Variants in SETD3 observed in about 807,000 individuals in gnomAD.
SETD3 encodes actin-histidine N-methyltransferase.
SETD3 carries 19 observed loss-of-function variants against 63.0 expected under a neutral mutation model. The ratio of observed to expected loss-of-function variants is 0.30; its 90% CI spans 0.21 to 0.44. The LOEUF is 0.44. SETD3 is among the 20% of genes least tolerant of loss of function. The probability of loss-of-function intolerance (pLI) is 1.00; values close to 1 mark genes in which losing one functional copy is unlikely to be tolerated. For synonymous variants in SETD3, 286 were observed against 264.1 expected, an observed-to-expected ratio of 1.08 and a Z score of -0.80; for missense variants, 587 against 728.5, an observed-to-expected ratio of 0.81 and a Z score of 2.24.
chr14:99,459,542 CA>C (rs900182740), intron 4 of SETD3, among the ~76,000 whole-genome samples: 39 of 152,194 alleles, frequency 2.6e-4, no homozygotes, highest in African/African-American at 9.2e-4. Flanking sequence ...AAAACCAGAC[CA>C]AATCAAAACA....
intron 6 of SETD3, among the ~76,000 whole-genome samples, chr14:99,414,735 T>C (rs77763397): frequency 0.021 from 3,132 of 152,290 alleles, 56 homozygotes; most frequent in Non-Finnish European, 0.03. Flanking sequence ...AATTAAGAAA[T>C]TAAAAGCTGT....
chr14:99,405,811 A>G (rs1233993590), intron 9 of SETD3, among the ~76,000 whole-genome samples: 1 of 152,258 alleles, frequency 6.6e-6, no homozygotes, highest in Non-Finnish European at 1.5e-5. Flanking sequence ...AGTATCTGTC[A>G]GAAACTTATT....
In SETD3 at chr14:99,464,158, A is replaced by C. The variant is rs1199639920; in HGVS notation, c.104-580T>G. On this transcript the variant is annotated intron_variant, in intron 2 of 12. Coordinates refer to ENST00000331768, the MANE Select transcript of SETD3 (RefSeq NM_032233.3). ...GATGGCATAGTCACTGCTAAAAAAG[A>C]AGCCAAGATTCCACTGTGGGGCCAG... 2.6e-5 allele frequency among the ~76,000 whole-genome samples: 4 copies of C among 152,340 alleles called. No homozygotes were observed. The East Asian group carries it at 5.8e-4, about 22-fold the overall frequency.
intron 1 of SETD3, among the ~76,000 whole-genome samples, 182 bp downstream of exon 1, chr14:99,480,546 C>T (rs1314042771): frequency 6.6e-6 from 1 of 150,756 alleles, no homozygotes; most frequent in Non-Finnish European, 1.5e-5. Flanking sequence ...GGCCCCCGAG[C>T]GCACACCTGC....
chr14:99,435,474 G>A (rs1391001015), intron 6 of SETD3, among the ~76,000 whole-genome samples: 2 of 152,166 alleles, frequency 1.3e-5, no homozygotes, highest in Non-Finnish European at 2.9e-5. Flanking sequence ...CGGAGCTGAA[G>A]CAGTGCCTTT....
At chr14:99,413,136 C>A in intron 7 of SETD3, 71 bp from the exon 8 acceptor site, 1 of 863,316 alleles carries the variant, frequency 1.2e-6, no homozygotes, top group Non-Finnish European at 1.9e-6. Context: ...ATAACATAAC[C>A]AAAAATTTAG....
chr14:99,401,892 ACTGG>A (rs1891406688), intron 11 of SETD3, among the ~76,000 whole-genome samples: 1 of 152,202 alleles, frequency 6.6e-6, no homozygotes, highest in Non-Finnish European at 1.5e-5. Context: ...TAAAAGTGAA[ACTGG>A]ACTCATTTCA....
intron 1 of SETD3, among the ~76,000 whole-genome samples, chr14:99,478,057 A>G (rs977371329): frequency 2.8e-4 from 43 of 152,180 alleles, no homozygotes; most frequent in Non-Finnish European, 4.7e-4. Flanking sequence ...TTAGCCAGAT[A>G]AACACTTCTA....
chr14:99,399,295 T>G (rs1390967818), intron 12 of SETD3, among the ~76,000 whole-genome samples, 170 bp from the exon 13 acceptor site: 1 of 152,156 alleles, frequency 6.6e-6, no homozygotes, highest in African/African-American at 2.4e-5. Context: ...CATCAAAACG[T>G]ACGCTTCAGA....
At chr14:99,479,047 A>G (rs1283370684) in intron 1 of SETD3, among the ~76,000 whole-genome samples, 1 of 152,240 alleles carries the variant, frequency 6.6e-6, no homozygotes, top group Non-Finnish European at 1.5e-5. Flanking sequence ...GTACATACAG[A>G]CATAAGATGT....
rs150317244 is a variant in SETD3 at position 99,399,741 on chromosome 14, A to AT, written c.1338+357dup. ...GAATTAACAAGAAATCTTTCATTAA[A>AT]TTTTTTTTTTTTTTTTTTTTTTTTT... On this transcript the variant is annotated intron_variant, in intron 12 of 12. Coordinates refer to ENST00000331768, the MANE Select transcript of SETD3 (RefSeq NM_032233.3). 2.9e-3 allele frequency among the ~76,000 whole-genome samples: 365 copies of AT among 127,698 alleles called. 2 individuals are homozygous for AT. The highest frequency in any genetic ancestry group is 8.6e-3 in the South Asian group (35 of 4,072). The allele number at this position is 127,698 out of a possible 152,430, so 83.8% of individuals were successfully genotyped here.
intron 6 of SETD3, among the ~76,000 whole-genome samples, chr14:99,446,809 A>C (rs2139738430): frequency 6.6e-6 from 1 of 152,128 alleles, no homozygotes; most frequent in African/African-American, 2.4e-5. Context: ...GCCAGTCCCG[A>C]GGGCAGGATG....
chr14:99,459,590 T>C (rs10151166), intron 4 of SETD3, among the ~76,000 whole-genome samples: 148,312 of 152,342 alleles, frequency 0.97, 72,310 homozygotes, highest in East Asian at 1. Flanking sequence ...AATCTGTCGA[T>C]GTGAATTACT....
At chr14:99,471,054 G>A (rs908815137) in intron 1 of SETD3, among the ~76,000 whole-genome samples, 3 of 151,906 alleles carry the variant, frequency 2.0e-5, no homozygotes, top group Admixed American at 6.6e-5. Flanking sequence ...CACTAACAAG[G>A]TCTCCTCACC....
chr14:99,426,165 C>T (rs1049031219), intron 6 of SETD3, among the ~76,000 whole-genome samples: 2 of 152,216 alleles, frequency 1.3e-5, no homozygotes, highest in African/African-American at 2.4e-5. Flanking sequence ...GTTTAAGATT[C>T]CTTTGCCTTC....
At chr14:99,411,851 T>C (rs1287426387) in intron 8 of SETD3, 2 of 152,222 alleles carry the variant, frequency 1.3e-5, no homozygotes, top group Non-Finnish European at 2.9e-5. Flanking sequence ...AAAATGTAAT[T>C]ATAAAAATGG....
chr14:99,458,075 T>C (rs1054245431), intron 6 of SETD3, among the ~76,000 whole-genome samples: 10 of 152,226 alleles, frequency 6.6e-5, no homozygotes, highest in African/African-American at 2.4e-4. Context: ...CACTGGGCAC[T>C]GATGAAATCA....
At chr14:99,473,791 G>C (rs571567346) in intron 1 of SETD3, among the ~76,000 whole-genome samples, 2 of 152,322 alleles carry the variant, frequency 1.3e-5, no homozygotes, top group Admixed American at 1.3e-4. Context: ...CAAATTACAG[G>C]ATGACGAGTT....
rs116159754 is a variant in SETD3, at chr14:99,449,534, A to G, written c.675+8745T>C. On this transcript the variant is annotated intron_variant, in intron 6 of 12. Coordinates refer to ENST00000331768, the MANE Select transcript of SETD3 (RefSeq NM_032233.3). ...CAAATGCATACTGAGGGACCTCTAC[A>G]AAGTAACCGGTCAGGCCAGCAGTGC... 7.1e-3 allele frequency among the ~76,000 whole-genome samples: 1,085 copies of G among 152,334 alleles called. 8 individuals carry two copies. The highest frequency in any genetic ancestry group is 0.024 in the African/African-American group (1,003 of 41,564).
Sources: gnomAD v4.1 joint callset for allele counts (sites outside exome capture counted in the v4.1 genomes callset) on GRCh38, gnomAD v4.1.1 for gene constraint, MANE v1.5 for transcripts, NCBI Gene and HGNC (gene_info 2026-07-23, HGNC 2026-07-21) for gene names.